Variants in MEGF8 observed in about 807,000 individuals in gnomAD.
MEGF8 encodes the protein multiple EGF like domains 8, also known as multiple epidermal growth factor-like domains protein 8.
MEGF8 carries 156 observed loss-of-function variants against 302.9 expected under a neutral mutation model. The observed-to-expected ratio is 0.52, with a 90% CI of 0.45 to 0.59. The LOEUF (loss-of-function observed/expected upper bound fraction) is 0.59, where lower values mean the gene tolerates loss of function less well. Among genes scored for constraint, MEGF8 ranks in the 20% least tolerant of loss-of-function variants. The pLI is 0.00. For missense variants in MEGF8, 3,345 were observed against 3,964.5 expected, an observed-to-expected ratio of 0.84 and a Z score of 4.20; for synonymous variants, 1,621 against 1,660.5, an observed-to-expected ratio of 0.98 and a Z score of 0.58.
chr19:42,350,717 T>G (rs2039356450), intron 15 of MEGF8, among the ~76,000 whole-genome samples: 1 of 152,178 alleles, frequency 6.6e-6, no homozygotes, highest in African/African-American at 2.4e-5. Flanking sequence ...CTTCCTCTTG[T>G]TCCCTGGGAG....
In MEGF8 at chr19:42,335,285, A is replaced by T. The variant is rs1016994115; in HGVS notation, c.740-12A>T. 6.2e-7 allele frequency: 1 copy of T among 1,613,592 alleles called. No individual in the cohort carries two copies. Among genetic ancestry groups the T allele is most frequent in the Admixed American group, 1.7e-5 (1 of 59,992 alleles). ...CTATGGCCAGGGCATGAGACTATCCACCCCTCCACAGGCCAGGACCTCAAC... is the reference window on the plus strand; with the variant it reads ...CTATGGCCAGGGCATGAGACTATCCTCCCCTCCACAGGCCAGGACCTCAAC... On this transcript the variant is annotated splice_polypyrimidine_tract_variant and intron_variant, in intron 4 of 41. Coordinates refer to ENST00000251268, the MANE Select transcript of MEGF8 (RefSeq NM_001271938.2).
rs369147039 is a variant in MEGF8, at chr19:42,335,408, G to A, written c.828+23G>A. 5.4e-5 allele frequency: 86 copies of A among 1,607,120 alleles called. No individual in the cohort carries two copies. The African/African-American group carries it at 1.1e-3, about 21-fold the overall frequency. On this transcript the variant is annotated intron_variant, in intron 5 of 41. Coordinates refer to ENST00000251268, the MANE Select transcript of MEGF8 (RefSeq NM_001271938.2). ...CCGGTATGGACCCCTCCTCTGCCCT[G>A]GAGGAGCCTTTCCACTCAATCAGAC...
At chr19:42,334,258 G>T in intron 3 of MEGF8, 45 bp downstream of exon 3, 1 of 1,516,740 alleles carries the variant, frequency 6.6e-7, no homozygotes. Context: ...CCTGATCTGT[G>T]AGCGCAGCCT....
Position 42,353,860 on chromosome 19 carries a change from G to T in MEGF8, c.3847G>T (p.Gly1283Trp). 6.2e-7 allele frequency: 1 copy of T among 1,603,462 alleles called. No homozygotes were observed. The highest frequency in any genetic ancestry group is 8.5e-7 in the Non-Finnish European group (1 of 1,175,312). ...SSVALGSRRV[G>W]GLLPPGGGAA... ...AGTGGCACTGGGCTCACGCCGGGTC[G>T]GGGGGCTGCTGCCTCCAGGTGGCGG... The change falls in exon 22 of 42, where the codon GGG becomes TGG. Residue 1283 changes from glycine (G) to tryptophan (W), a missense_variant. By Grantham distance (184) the Gly-to-Trp change is radical. Transcript: ENST00000251268. The surrounding 1 kb of genome is among the most constrained non-coding windows in gnomAD (Gnocchi z 6.1).
chr19:42,336,727 A>G lies in MEGF8; in HGVS notation c.1245-80A>G, dbSNP rs568949327. On this transcript the variant is annotated intron_variant, in intron 6 of 41. Coordinates refer to ENST00000251268, the MANE Select transcript of MEGF8 (RefSeq NM_001271938.2). The surrounding 1 kb of genome is among the most constrained non-coding windows in gnomAD (Gnocchi z 4.8). ...TCATGGCCAGTCTCATCCCTGGGTG[A>G]TCACATGGCTCCTAAGAGCCTGGAG... 6.2e-5 allele frequency: 93 copies of G among 1,508,756 alleles called. 3 individuals carry two copies. The South Asian group carries it at 1.2e-3, about 20-fold the overall frequency. The allele number at this position is 1,508,756 out of a possible 1,614,324, so 93.5% of individuals were successfully genotyped here. A position where few individuals can be genotyped will look rare whatever the true frequency, so the allele number is the denominator to read the frequency against.
Position 42,358,828 on chromosome 19 carries a change from G to A in MEGF8, c.5217G>A (p.Leu1739=), listed in dbSNP as rs1443012734. The change falls in exon 30 of 42, where the codon CTG becomes CTA. Residue 1739 remains leucine, a synonymous_variant. Transcript: ENST00000251268. The surrounding 1 kb of genome is among the most constrained non-coding windows in gnomAD (Gnocchi z 4.4). ...ATGTGCGTGGCTCATCTCGGGGTCT[G>A]GGCCAAGTTCCTGGGGAGCAGCCTG... ...MRNVRGSSRG[L]GQVPGEQPGS... is the part of the protein sequence containing the mutation. 11 of 1,599,288 alleles carry A rather than the reference G, an allele frequency of 6.9e-6. No homozygotes were observed. In the Admixed American group the frequency reaches 1.9e-4, roughly 28 times the overall value.
chr19:42,343,371 G>T, intron 8 of MEGF8, 106 bp from the exon 9 acceptor site: 1 of 1,316,356 alleles, frequency 7.6e-7, no homozygotes, highest in South Asian at 1.6e-5. Flanking sequence ...GGTTGAAGCA[G>T]CCACCGGAAT....
chr19:42,360,150 CAAAAA>C (rs111805163), intron 31 of MEGF8, among the ~76,000 whole-genome samples: 2 of 88,966 alleles, frequency 2.2e-5, no homozygotes, highest in Non-Finnish European at 2.5e-5. Flanking sequence ...GACTCTTTCT[CAAAAA>C]AAAAAAAAAA....
Position 42,353,834 on chromosome 19 carries a change from C to T in MEGF8, c.3821C>T (p.Ser1274Leu). ...CGCGCCCTCCTCACCAACGTGTCCT[C>T]AGTGGCACTGGGCTCACGCCGGGTC... is the stretch of plus-strand genomic sequence containing the variant. Reference protein sequence around the residue: ...GGRALLTNVSSVALGSRRVGG... With the variant: ...GGRALLTNVSLVALGSRRVGG... Residue 1274 changes from serine to leucine, a missense_variant, in exon 22 of 42, where the codon TCA becomes TTA. Transcript: ENST00000251268. This position sits in a 1 kb window ranked among gnomAD's most constrained non-coding sequence, Gnocchi z 6.1. The T allele has an allele frequency of 9.9e-6, 16 of 1,612,042 alleles. No homozygotes were observed. The highest frequency in any genetic ancestry group is 1.4e-5 in the Non-Finnish European group (16 of 1,179,118).
chr19:42,340,285 AGTGGT>A (rs1249841178), intron 8 of MEGF8, among the ~76,000 whole-genome samples: 1 of 152,048 alleles, frequency 6.6e-6, no homozygotes, highest in Non-Finnish European at 1.5e-5. Flanking sequence ...ACTGAAGTGC[AGTGGT>A]GTGATCTTGG....
At chr19:42,350,055 A>G (rs1056695261) in intron 14 of MEGF8, 93 bp from the exon 15 acceptor site, 6 of 1,033,642 alleles carry the variant, frequency 5.8e-6, no homozygotes, top group Non-Finnish European at 8.6e-6. Flanking sequence ...CTGAGTTCTC[A>G]ACCTGGGCTC....
chr19:42,349,627 C>G lies in MEGF8; in HGVS notation c.2427C>G (p.Leu809=), dbSNP rs1485845079. ...HKYAVEIQGQ[L]NGSAGPGHSE... The stretch of plus-strand genomic sequence containing the variant: ...ATGCAGTAGAGATCCAGGGCCAGCT[C>G]AATGGCTCGGCAGGCCCTGGGCACA... The change falls in exon 14 of 42, where the codon CTC becomes CTG. Residue 809 remains leucine, a synonymous_variant. Coordinates refer to ENST00000251268, the MANE Select transcript of MEGF8 (RefSeq NM_001271938.2). The G allele has an allele frequency of 5.0e-6, 8 of 1,612,132 alleles. No homozygotes were observed. The highest frequency in any genetic ancestry group is 5.9e-6 in the Non-Finnish European group (7 of 1,179,830).
In MEGF8 at chr19:42,344,138, C is replaced by A; in HGVS notation, c.1788+65C>A. On this transcript the variant is annotated intron_variant, in intron 10 of 41. Coordinates refer to ENST00000251268, the MANE Select transcript of MEGF8 (RefSeq NM_001271938.2). The surrounding 1 kb of genome is among the most constrained non-coding windows in gnomAD (Gnocchi z 4.5). ...GACCTGCCCTCAGTGTCTCCCTCTG[C>A]CTAACCAGATGGACAAGAACTTTCC... 6.4e-7 allele frequency: 1 copy of A among 1,559,106 alleles called. No individual in the cohort carries two copies. The highest frequency in any genetic ancestry group is 8.7e-7 in the Non-Finnish European group (1 of 1,154,440).
Position 42,352,131 on chromosome 19 carries a change from T to C in MEGF8, c.3102-77T>C. The C allele has an allele frequency of 7.0e-7, 1 of 1,438,066 alleles. No individual in the cohort carries two copies. Among genetic ancestry groups the C allele is most frequent in the Non-Finnish European group, 9.2e-7 (1 of 1,087,142 alleles). 89.1% of individuals were successfully genotyped at this position (1,438,066 alleles called of 1,614,324 possible). A position where few individuals can be genotyped will look rare whatever the true frequency, so the allele number is the denominator to read the frequency against. ...ATCCCTCTCCTTCCAATTGGCCTCC[T>C]CTCTCCCTGTCATTGTTTCTATGTA... On this transcript the variant is annotated intron_variant, in intron 18 of 41. Coordinates refer to ENST00000251268, the MANE Select transcript of MEGF8 (RefSeq NM_001271938.2). The surrounding 1 kb of genome is among the most constrained non-coding windows in gnomAD (Gnocchi z 4.4).
intron 12 of MEGF8, among the ~76,000 whole-genome samples, chr19:42,345,235 A>T (rs1023612263): frequency 6.6e-6 from 1 of 151,934 alleles, no homozygotes; most frequent in African/African-American, 2.4e-5. Flanking sequence ...GCCTCCCAAA[A>T]CTCTGGGATT....
rs775645539 is a variant in MEGF8 at position 42,359,108 on chromosome 19, G to A, written c.5354G>A (p.Arg1785Gln). Residue 1785 changes from arginine to glutamine, a missense_variant, in exon 31 of 42, where the codon CGG (arginine) becomes CAG (glutamine). Arg to Gln is a conservative substitution (Grantham distance 43). Coordinates refer to ENST00000251268, the MANE Select transcript of MEGF8 (RefSeq NM_001271938.2). Reference sequence around the variant, plus strand: ...CCGTCTCCCCAACAGCCCCGCCCCCGGCTTTTCCACGCCTCAGCCCTGTTA... The same window carrying A: ...CCGTCTCCCCAACAGCCCCGCCCCCAGCTTTTCCACGCCTCAGCCCTGTTA... ...ISPHLKEPRP[R>Q]LFHASALLGD... The A allele has an allele frequency of 2.0e-5, 17 of 866,222 alleles. No individual in the cohort carries two copies. Among genetic ancestry groups the A allele is most frequent in the East Asian group, 1.2e-4 (2 of 16,506 alleles). The allele number at this position is 866,222 out of a possible 1,614,324, so 53.7% of individuals were successfully genotyped here.
chr19:42,374,060 C>T (rs909119477), intron 41 of MEGF8, among the ~76,000 whole-genome samples: 1 of 152,078 alleles, frequency 6.6e-6, no homozygotes, highest in African/African-American at 2.4e-5. Flanking sequence ...ATGCCAGGAG[C>T]GCCTGCCACA....
chr19:42,351,131 G>C lies in MEGF8; in HGVS notation c.2737-85G>C. ...TGGCCTTACAGGGACAGTCTGCAGGGTGGGGCAGGGGGTGGGATGGGCACT... is the reference window on the plus strand; with the variant it reads ...TGGCCTTACAGGGACAGTCTGCAGGCTGGGGCAGGGGGTGGGATGGGCACT... On this transcript the variant is annotated intron_variant, in intron 15 of 41. Transcript: ENST00000251268. This position sits in a 1 kb window ranked among gnomAD's most constrained non-coding sequence, Gnocchi z 5.6. 4.2e-6 allele frequency: 5 copies of C among 1,184,918 alleles called. No homozygotes were observed. The highest frequency in any genetic ancestry group is 4.8e-6 in the Non-Finnish European group (4 of 834,588). The allele number at this position is 1,184,918 out of a possible 1,614,324, so 73.4% of individuals were successfully genotyped here. A position where few individuals can be genotyped will look rare whatever the true frequency, so the allele number is the denominator to read the frequency against.
Position 42,352,856 on chromosome 19 carries a change from T to G in MEGF8, c.3351-72T>G, listed in dbSNP as rs1600050469. 3.6e-6 allele frequency: 4 copies of G among 1,120,422 alleles called. No individual in the cohort carries two copies. Among genetic ancestry groups the G allele is most frequent in the Non-Finnish European group, 5.2e-6 (4 of 767,306 alleles). The allele number at this position is 1,120,422 out of a possible 1,614,324, so 69.4% of individuals were successfully genotyped here. On this transcript the variant is annotated intron_variant, in intron 19 of 41. Coordinates refer to ENST00000251268, the MANE Select transcript of MEGF8 (RefSeq NM_001271938.2). The surrounding 1 kb of genome is among the most constrained non-coding windows in gnomAD (Gnocchi z 4.4). ...GTGGCTTTGATGGTGTCATGGTGGG[T>G]GGAGATGATGGGGTGCTTTAGGGGC...
Sources: gnomAD v4.1 joint callset for allele counts (sites outside exome capture counted in the v4.1 genomes callset) on GRCh38, gnomAD v4.1.1 for gene constraint, Gnocchi (gnomAD v3.1) non-coding constraint, MANE v1.5 for transcripts, NCBI Gene and HGNC (gene_info 2026-07-23, HGNC 2026-07-21) for gene names.